The following PARP10 variants were observed in gnomAD, a reference collection of about 807,000 sequenced individuals.
The protein encoded by PARP10 is poly(ADP-ribose) polymerase family member 10, also known as protein mono-ADP-ribosyltransferase PARP10.
A neutral mutation model predicts 82.4 loss-of-function variants in PARP10; 56 were observed. The observed-to-expected ratio is 0.68, with a 90% CI of 0.55 to 0.85. The LOEUF is 0.85. Ranked by LOEUF, PARP10 falls within the 40% of genes least tolerant of loss-of-function variation. PARP10 has a pLI of 0.00. For synonymous variants in PARP10, 576 were observed against 601.1 expected, an observed-to-expected ratio of 0.96 and a Z score of 0.61; for missense variants, 1,227 against 1,379.4, an observed-to-expected ratio of 0.89 and a Z score of 1.75.
chr8:144,002,504 G>A (rs1040471947), intron 1 of PARP10, among the ~76,000 whole-genome samples: 3 of 152,224 alleles, frequency 2.0e-5, no homozygotes, highest in Admixed American at 6.5e-5. Context: ...TCTGGATGGG[G>A]ACTAGCCCTG....
rs2133087336 is a variant in PARP10 at position 144,011,226 on chromosome 8, G to A, written c.-80+1304C>T. On this transcript the variant is annotated intron_variant, in intron 1 of 3. Coordinates refer to the PARP10 transcript ENST00000530478. The surrounding 1 kb of genome is among the most constrained non-coding windows in gnomAD (Gnocchi z 4.5). The stretch of plus-strand genomic sequence containing the variant: ...CATGACAAGCTAATTTTCACATGTT[G>A]AAGGAAAGCCCAACAGAGACACTCT... Among the ~76,000 whole-genome samples the A allele has an allele frequency of 6.6e-6, 1 of 152,224 alleles. No individual in the cohort carries two copies. Among genetic ancestry groups the A allele is most frequent in the Non-Finnish European group, 1.5e-5 (1 of 68,016 alleles).
At chr8:144,002,732 G>A (rs1834210504) in intron 1 of PARP10, among the ~76,000 whole-genome samples, 1 of 152,158 alleles carries the variant, frequency 6.6e-6, no homozygotes, top group Non-Finnish European at 1.5e-5. Context: ...TCTGTCTTGA[G>A]ACACACGAAA....
At chr8:143,981,382 GAA>G (rs1554747698) in intron 9 of PARP10, among the ~76,000 whole-genome samples, 13 of 104,900 alleles carry the variant, frequency 1.2e-4, no homozygotes, top group South Asian at 1.0e-3. Flanking sequence ...AGTGAGTGGT[GAA>G]GGTGATGGTG....
rs782286415 is a variant in PARP10 at position 143,984,448 on chromosome 8, G to T, written c.1459-17C>A. On this transcript the variant is annotated splice_polypyrimidine_tract_variant and intron_variant, in intron 5 of 10. Coordinates refer to ENST00000313028, the MANE Select transcript of PARP10 (RefSeq NM_032789.5). Reference sequence around the variant, plus strand: ...TCCACAGAGCTGCAGGGCCATTGCAGAGATGGAGTTTGCAGGTTTAGAGCA... The same window carrying T: ...TCCACAGAGCTGCAGGGCCATTGCATAGATGGAGTTTGCAGGTTTAGAGCA... 8 of 1,601,422 alleles carry T rather than the reference G, an allele frequency of 5.0e-6. No individual in the cohort carries two copies. In the South Asian group the frequency reaches 8.8e-5, roughly 18 times the overall value.
chr8:144,001,466 G>A (rs1244344323), intron 1 of PARP10, among the ~76,000 whole-genome samples: 1 of 152,140 alleles, frequency 6.6e-6, no homozygotes, highest in Non-Finnish European at 1.5e-5. Flanking sequence ...CAGCACTTTG[G>A]GAGGCCGAGG....
upstream of PARP10, among the ~76,000 whole-genome samples, chr8:143,994,818 C>T (rs1834151915): frequency 6.6e-6 from 1 of 152,192 alleles, no homozygotes; most frequent in South Asian, 2.1e-4. Flanking sequence ...TGCAGTTCCT[C>T]CTCTGGGTGC....
At chr8:144,005,061 C>A (rs941078792) in intron 1 of PARP10, among the ~76,000 whole-genome samples, 2 of 151,836 alleles carry the variant, frequency 1.3e-5, no homozygotes, top group Non-Finnish European at 2.9e-5. Flanking sequence ...CGCCTGTAAT[C>A]CCAGCTACTC....
Position 143,985,547 on chromosome 8 carries a change from C to T in PARP10, c.538G>A (p.Asp180Asn). 2.5e-6 allele frequency: 4 copies of T among 1,614,084 alleles called. No individual in the cohort carries two copies. The highest frequency in any genetic ancestry group is 3.4e-6 in the Non-Finnish European group (4 of 1,179,984). ...PQARAVRVVG[D>N]GASVDLLLLE... is the part of the protein sequence containing the mutation. Reference sequence around the variant, plus strand: ...AACAGCAGGTCCACAGAGGCACCATCCCCCACCACACGCACCGCTCGGGCC... The same window carrying T: ...AACAGCAGGTCCACAGAGGCACCATTCCCCACCACACGCACCGCTCGGGCC... The change falls in exon 4 of 11, where the codon GAT becomes AAT. Residue 180 changes from aspartate to asparagine, a missense_variant. Transcript: ENST00000313028.
intron 1 of PARP10, among the ~76,000 whole-genome samples, chr8:144,003,835 G>A (rs1366804838): frequency 2.0e-5 from 3 of 151,892 alleles, no homozygotes; most frequent in African/African-American, 7.3e-5. Flanking sequence ...AGACCAGCCT[G>A]GGCAACATAG....
rs781831182 is a variant in PARP10, at chr8:143,985,097, C to T, written c.905G>A (p.Gly302Glu). The change falls in exon 5 of 11, where the codon GGG (glycine) becomes GAG (glutamate). Residue 302 changes from glycine to glutamate, a missense_variant. Coordinates refer to ENST00000313028, the MANE Select transcript of PARP10 (RefSeq NM_032789.5). ...TVTMGSGEEP[G>E]QSGASLRTGP... Reference sequence around the variant, plus strand: ...TGTCCTCAGAGAGGCCCCTGACTGCCCTGGTTCCTCGCCAGAGCCCATTGT... The same window carrying T: ...TGTCCTCAGAGAGGCCCCTGACTGCTCTGGTTCCTCGCCAGAGCCCATTGT... 37 of 1,614,040 alleles carry T rather than the reference C, an allele frequency of 2.3e-5. No homozygotes were observed. The highest frequency in any genetic ancestry group is 3.1e-5 in the Non-Finnish European group (36 of 1,180,018).
chr8:143,977,575 G>C lies in PARP10; in HGVS notation c.2987C>G (p.Ala996Gly). The C allele has an allele frequency of 6.3e-7, 1 of 1,575,538 alleles. No homozygotes were observed. Among genetic ancestry groups the C allele is most frequent in the Non-Finnish European group, 8.6e-7 (1 of 1,161,044 alleles). ...SIFVIFHDTQ[A>G]LPTHLITCEH... The stretch of plus-strand genomic sequence containing the variant: ...GCAGGTGATGAGGTGGGTGGGCAGC[G>C]CCTGGGTGTCGTGGAAGATGACGAA... Residue 996 changes from alanine (A) to glycine (G), a missense_variant, in exon 11 of 11, where the codon GCG becomes GGG. Ala to Gly is a moderately conservative substitution (Grantham distance 60). Transcript: ENST00000313028.
At chr8:144,012,742 C>T (rs1214510621) in exon 1 of PARP10, 7 of 1,551,266 alleles carry the variant, frequency 4.5e-6, no homozygotes, top group Admixed American at 3.9e-5. Flanking sequence ...AGGCCTCGCT[C>T]CCAAGAGAGT....
Position 143,984,366 on chromosome 8 carries a change from A to G in PARP10, c.1524T>C (p.Ile508=). The G allele has an allele frequency of 6.2e-7, 1 of 1,613,406 alleles. No homozygotes were observed. The highest frequency in any genetic ancestry group is 8.5e-7 in the Non-Finnish European group (1 of 1,179,870). The stretch of plus-strand genomic sequence containing the variant: ...GCTCCAGGCACAACACATGGCAGCT[A>G]ATGCTGCCCAGCAGGCTCCGCAGAA... ...EEFLRSLLGS[I]SCHVLCLEHP... is the part of the protein sequence containing the mutation. The change falls in exon 6 of 11, where the codon ATT becomes ATC. Residue 508 remains isoleucine, a synonymous_variant. Transcript: ENST00000313028.
rs1834252378 is a variant in PARP10, at chr8:144,008,909, G to A, written c.-80+3621C>T. On this transcript the variant is annotated intron_variant, in intron 1 of 3. Transcript: ENST00000530478. This position sits in a 1 kb window ranked among gnomAD's most constrained non-coding sequence, Gnocchi z 4.0. The stretch of plus-strand genomic sequence containing the variant: ...TGAAGAGGAAATAAAAGTAGGGGGA[G>A]GAGAGGAAGCCTGGCGGAGGCTAAT... Among the ~76,000 whole-genome samples the A allele has an allele frequency of 1.3e-5, 2 of 152,234 alleles. No individual in the cohort carries two copies. Among genetic ancestry groups the A allele is most frequent in the Non-Finnish European group, 2.9e-5 (2 of 68,048 alleles).
At position 143,997,860 on chromosome 8, in the gene PARP10, C is replaced by T. The variant is rs945512038; in HGVS notation, c.-79-11422G>A. Among the ~76,000 whole-genome samples the T allele has an allele frequency of 2.6e-5, 4 of 151,890 alleles. 1 individual carries two copies. The highest frequency in any genetic ancestry group is 5.9e-5 in the Non-Finnish European group (4 of 68,000). On this transcript the variant is annotated intron_variant, in intron 1 of 3. Coordinates refer to the PARP10 transcript ENST00000530478. ...AGACCGGGACACAGATCATGGGTCA[C>T]TGCACCTCAACCTCCCAGGCTCAAG...
chr8:144,008,549 GC>G lies in PARP10; in HGVS notation c.-80+3980del, dbSNP rs782760866. Among the ~76,000 whole-genome samples, 13 of 152,180 alleles carry G rather than the reference GC, an allele frequency of 8.5e-5. No homozygotes were observed. The highest frequency in any genetic ancestry group is 1.8e-4 in the Non-Finnish European group (12 of 68,036). ...TTTGTTCACAGTGAGCCCCTAACGG[GC>G]CGGGAGGAGCGCAAACCCCGAGTGC... On this transcript the variant is annotated intron_variant, in intron 1 of 3. Coordinates refer to the PARP10 transcript ENST00000530478. This position sits in a 1 kb window ranked among gnomAD's most constrained non-coding sequence, Gnocchi z 4.0.
At chr8:143,991,135 C>T (rs918191885), upstream of PARP10, 2 of 849,318 alleles carry the variant, frequency 2.4e-6, no homozygotes, top group African/African-American at 3.6e-5. Context: ...TGGAGTTGCG[C>T]AGGGCTGGGT....
chr8:143,996,178 G>A (rs1834163838), intron 1 of PARP10, among the ~76,000 whole-genome samples: 1 of 152,154 alleles, frequency 6.6e-6, no homozygotes, highest in Admixed American at 6.5e-5. Context: ...CGTGTCCCCG[G>A]GGCTTCACAA....
chr8:143,979,253 G>A lies in PARP10; in HGVS notation c.2557-1172C>T, dbSNP rs572489667. On this transcript the variant is annotated intron_variant, in intron 9 of 10. Transcript: ENST00000313028. Reference sequence around the variant, plus strand: ...CTCCCAAAGTGCTGGGATTACAGGCGTGAGCCACCGCAGCTGGCCAACCCT... The same window carrying A: ...CTCCCAAAGTGCTGGGATTACAGGCATGAGCCACCGCAGCTGGCCAACCCT... Among the ~76,000 whole-genome samples the A allele has an allele frequency of 8.5e-5, 13 of 152,206 alleles. No homozygotes were observed. The South Asian group carries it at 2.5e-3, about 29-fold the overall frequency.
Sources: allele counts gnomAD v4.1 joint callset (sites outside exome capture counted in the v4.1 genomes callset), GRCh38; gene constraint gnomAD v4.1.1; non-coding constraint Gnocchi (gnomAD v3.1); transcripts MANE v1.5; gene names NCBI Gene and HGNC (gene_info 2026-07-23, HGNC 2026-07-21).